KLHL1: variants seen among roughly 807,000 people sequenced by gnomAD.
The protein encoded by KLHL1 is kelch like family member 1, also known as kelch-like protein 1.
A neutral mutation model predicts 77.7 loss-of-function variants in KLHL1; 47 were observed. The observed-to-expected ratio is 0.60, with a 90% CI of 0.48 to 0.77. KLHL1 has a LOEUF of 0.77. Among genes scored for constraint, KLHL1 ranks in the 30% least tolerant of loss-of-function variants. The probability of loss-of-function intolerance (pLI) is 0.00; values close to 1 mark genes in which losing one functional copy is unlikely to be tolerated. For missense variants in KLHL1, 925 were observed against 910.8 expected, an observed-to-expected ratio of 1.02 and a Z score of -0.20; for synonymous variants, 360 against 325.2, an observed-to-expected ratio of 1.11 and a Z score of -1.15.
intron 1 of KLHL1, among the ~76,000 whole-genome samples, chr13:69,984,467 A>C (rs927564373): frequency 2.6e-5 from 4 of 152,144 alleles, no homozygotes; most frequent in African/African-American, 9.7e-5. Context: ...TGCCAGATAG[A>C]AAAACTGTTT....
chr13:70,096,455 C>T (rs979876975), intron 1 of KLHL1, among the ~76,000 whole-genome samples: 2 of 152,022 alleles, frequency 1.3e-5, no homozygotes, highest in Non-Finnish European at 2.9e-5. Context: ...TGATGGTGAG[C>T]ATTTTTACAT....
chr13:69,732,233 G>A (rs904975236), intron 8 of KLHL1, among the ~76,000 whole-genome samples: 1 of 152,082 alleles, frequency 6.6e-6, no homozygotes, highest in Non-Finnish European at 1.5e-5. Context: ...AACACACATA[G>A]AACCATTAAC....
intron 6 of KLHL1, among the ~76,000 whole-genome samples, chr13:69,797,542 C>A (rs964123782): frequency 6.6e-6 from 1 of 151,766 alleles, no homozygotes; most frequent in Non-Finnish European, 1.5e-5. Flanking sequence ...TTAGGCCAGG[C>A]GCAATGGCTC....
chr13:69,861,403 T>TA (rs1880153267), intron 5 of KLHL1, among the ~76,000 whole-genome samples: 1 of 152,142 alleles, frequency 6.6e-6, no homozygotes, highest in South Asian at 2.1e-4. Flanking sequence ...TATCAGTTTT[T>TA]AAAATAGCAT....
intron 4 of KLHL1, among the ~76,000 whole-genome samples, chr13:69,907,174 G>A (rs1241428964): frequency 1.3e-5 from 2 of 151,958 alleles, no homozygotes; most frequent in African/African-American, 2.4e-5. Context: ...ATGTTTGTGA[G>A]CAAAGCTCTA....
chr13:69,812,637 A>T (rs1877933301), intron 6 of KLHL1, among the ~76,000 whole-genome samples: 1 of 151,906 alleles, frequency 6.6e-6, no homozygotes, highest in African/African-American at 2.4e-5. Flanking sequence ...AAAACAAACA[A>T]CCCCATCAAA....
At chr13:69,953,170 T>C (rs1053630334) in intron 3 of KLHL1, among the ~76,000 whole-genome samples, 2 of 151,236 alleles carry the variant, frequency 1.3e-5, no homozygotes, top group Admixed American at 1.3e-4. Context: ...GACTTAAAAT[T>C]ATGAAATTAT....
At chr13:69,881,674 T>C (rs555935501) in intron 5 of KLHL1, among the ~76,000 whole-genome samples, 136 of 152,254 alleles carry the variant, frequency 8.9e-4, no homozygotes, top group Middle Eastern at 3.4e-3. Flanking sequence ...TCTTATTAAT[T>C]TTTCTGTACC....
chr13:70,000,387 CA>C (rs1885257374), intron 1 of KLHL1, among the ~76,000 whole-genome samples: 1 of 151,698 alleles, frequency 6.6e-6, no homozygotes, highest in African/African-American at 2.4e-5. Context: ...AGTATAAAAA[CA>C]TTAAGAAAAA....
At chr13:69,802,514 C>T (rs1380115105) in intron 6 of KLHL1, among the ~76,000 whole-genome samples, 1 of 152,036 alleles carries the variant, frequency 6.6e-6, no homozygotes, top group African/African-American at 2.4e-5. Flanking sequence ...GAAATGCAAT[C>T]CACAAGCAGA....
intron 1 of KLHL1, among the ~76,000 whole-genome samples, chr13:70,052,160 G>A (rs1163879164): frequency 6.6e-6 from 1 of 151,838 alleles, no homozygotes; most frequent in East Asian, 1.9e-4. Context: ...CTGATGCACA[G>A]AAATTGTTTG....
At chr13:69,952,996 A>C (rs149060459) in intron 3 of KLHL1, among the ~76,000 whole-genome samples, 1,566 of 151,508 alleles carry the variant, frequency 0.01, 27 homozygotes, top group African/African-American at 0.035. Flanking sequence ...TATTATTTAA[A>C]AACATTTAGG....
chr13:69,935,724 T>C (rs1010063181), intron 4 of KLHL1, among the ~76,000 whole-genome samples: 1 of 152,148 alleles, frequency 6.6e-6, no homozygotes, highest in African/African-American at 2.4e-5. Flanking sequence ...AAGATCAGTG[T>C]GGCTAGAACT....
intron 2 of KLHL1, among the ~76,000 whole-genome samples, chr13:69,974,781 A>G (rs1220590394): frequency 6.6e-6 from 1 of 152,086 alleles, no homozygotes; most frequent in Non-Finnish European, 1.5e-5. Context: ...GCTCAGGATA[A>G]TTTGTGGTTT....
At chr13:69,864,634 GACT>G (rs2138160442) in intron 5 of KLHL1, among the ~76,000 whole-genome samples, 1 of 152,142 alleles carries the variant, frequency 6.6e-6, no homozygotes, top group South Asian at 2.1e-4. Flanking sequence ...ACAAGGTAAA[GACT>G]ACTAATAAAG....
chr13:70,001,581 G>GTCTGTCTATCTATCTA (rs150381015), intron 1 of KLHL1, among the ~76,000 whole-genome samples: 1 of 146,618 alleles, frequency 6.8e-6, no homozygotes, highest in Admixed American at 6.9e-5. Flanking sequence ...TGATCTATGT[G>GTCTGTCTATCTATCTA]TCTATCTATC....
chr13:69,807,183 A>T lies in KLHL1; in HGVS notation c.1415-10221T>A, dbSNP rs1877652786. Among the ~76,000 whole-genome samples, 5 of 152,124 alleles carry T rather than the reference A, an allele frequency of 3.3e-5. No individual in the cohort carries two copies. In the South Asian group the frequency reaches 1.0e-3, roughly 32 times the overall value. ...ATACTCACTGCTCTGCAAGGAGCTG[A>T]TGTGAGATCCAGTTGTAATTGGACT... is the stretch of plus-strand genomic sequence containing the variant. On this transcript the variant is annotated intron_variant, in intron 6 of 10. Coordinates refer to ENST00000377844, the MANE Select transcript of KLHL1 (RefSeq NM_020866.3).
chr13:69,755,387 T>C (rs576807599), intron 7 of KLHL1, among the ~76,000 whole-genome samples: 2 of 152,092 alleles, frequency 1.3e-5, no homozygotes, highest in East Asian at 3.9e-4. Context: ...TGCAGAACCA[T>C]GAGCCAATTA....
At chr13:69,747,492 T>A (rs536607931) in intron 7 of KLHL1, among the ~76,000 whole-genome samples, 1 of 152,166 alleles carries the variant, frequency 6.6e-6, no homozygotes, top group East Asian at 1.9e-4. Flanking sequence ...TGTAAAACAC[T>A]TAGAACAGAA....
Sources: gnomAD v4.1 joint callset for allele counts (sites outside exome capture counted in the v4.1 genomes callset) on GRCh38, gnomAD v4.1.1 for gene constraint, MANE v1.5 for transcripts, NCBI Gene and HGNC (gene_info 2026-07-23, HGNC 2026-07-21) for gene names.